The following SNTG1 variants were observed in gnomAD, a reference collection of about 807,000 sequenced individuals.
SNTG1 encodes the protein gamma-1-syntrophin.
In SNTG1, 39 loss-of-function variants were observed where a neutral mutation model predicts 74.7. That is an observed-to-expected ratio of 0.52 (90% confidence interval 0.40 to 0.68). The LOEUF is 0.68. Ranked by LOEUF, SNTG1 falls within the 30% of genes least tolerant of loss-of-function variation. The pLI, the probability that SNTG1 is intolerant of heterozygous loss-of-function variation, is 0.00. For missense variants in SNTG1, 685 were observed against 609.5 expected, an observed-to-expected ratio of 1.12 and a Z score of -1.30; for synonymous variants, 254 against 217.1, an observed-to-expected ratio of 1.17 and a Z score of -1.49.
At chr8:50,307,973 A>G (rs556528493) in intron 2 of SNTG1, among the ~76,000 whole-genome samples, 1 of 151,778 alleles carries the variant, frequency 6.6e-6, no homozygotes, top group South Asian at 2.1e-4. Flanking sequence ...CTTTGCCCAT[A>G]TTTTTCTTAC....
At chr8:50,469,409 A>G (rs1238615437) in intron 8 of SNTG1, among the ~76,000 whole-genome samples, 1 of 152,108 alleles carries the variant, frequency 6.6e-6, no homozygotes, top group Non-Finnish European at 1.5e-5. Context: ...AGGGTTCCAT[A>G]CTGCAGTCAG....
At chr8:50,271,604 C>CA (rs1214804435) in intron 2 of SNTG1, among the ~76,000 whole-genome samples, 1 of 151,988 alleles carries the variant, frequency 6.6e-6, no homozygotes, top group Admixed American at 6.6e-5. Flanking sequence ...AATTATCAGG[C>CA]AAAAAATTAA....
chr8:50,696,444 T>C (rs548357106), intron 15 of SNTG1, among the ~76,000 whole-genome samples: 1 of 152,232 alleles, frequency 6.6e-6, no homozygotes, highest in East Asian at 1.9e-4. Flanking sequence ...CAGTTATTTC[T>C]TTTGCTTTGC....
chr8:50,551,730 G>A (rs143042594), intron 11 of SNTG1, among the ~76,000 whole-genome samples: 1 of 152,214 alleles, frequency 6.6e-6, no homozygotes, highest in East Asian at 1.9e-4. Context: ...ATGGACAATA[G>A]TTATACTTCT....
chr8:50,026,243 G>A (rs1311540781), intron 1 of SNTG1, among the ~76,000 whole-genome samples: 2 of 152,086 alleles, frequency 1.3e-5, no homozygotes, highest in African/African-American at 4.8e-5. Context: ...TATTTGTATG[G>A]TTTTTAAAAA....
intron 17 of SNTG1, among the ~76,000 whole-genome samples, chr8:50,718,030 C>A (rs2095479028): frequency 1.3e-5 from 2 of 152,024 alleles, no homozygotes; most frequent in African/African-American, 2.4e-5. Flanking sequence ...TCCTTTTAGC[C>A]CAATGAAGAT....
chr8:50,271,631 C>A (rs1233011870), intron 2 of SNTG1, among the ~76,000 whole-genome samples: 1 of 152,138 alleles, frequency 6.6e-6, no homozygotes, highest in Non-Finnish European at 1.5e-5. Context: ...ATTCAGTTTT[C>A]TTTCATCGGG....
At chr8:50,230,471 A>G (rs2085560195) in intron 2 of SNTG1, among the ~76,000 whole-genome samples, 1 of 151,406 alleles carries the variant, frequency 6.6e-6, no homozygotes, top group Non-Finnish European at 1.5e-5. Flanking sequence ...TGGATCAATT[A>G]CATTAAAAGG....
intron 15 of SNTG1, among the ~76,000 whole-genome samples, chr8:50,698,320 G>A (rs1378409486): frequency 6.6e-6 from 1 of 152,076 alleles, no homozygotes; most frequent in East Asian, 1.9e-4. Context: ...CATTTTTGGT[G>A]GGGCTCACCA....
intron 18 of SNTG1, among the ~76,000 whole-genome samples, chr8:50,774,067 T>C (rs2095633920): frequency 6.6e-6 from 1 of 152,006 alleles, no homozygotes; most frequent in African/African-American, 2.4e-5. Context: ...CAACTGAGAT[T>C]ATCCAGTCTA....
At chr8:50,367,340 T>G (rs928057355) in intron 2 of SNTG1, among the ~76,000 whole-genome samples, 1 of 152,126 alleles carries the variant, frequency 6.6e-6, no homozygotes, top group Non-Finnish European at 1.5e-5. Context: ...AATAGTCATA[T>G]AATTCATTAA....
chr8:50,169,244 C>T (rs941023918), intron 1 of SNTG1, among the ~76,000 whole-genome samples: 4 of 152,218 alleles, frequency 2.6e-5, no homozygotes, highest in Non-Finnish European at 4.4e-5. Context: ...ATAGGGCACA[C>T]AGATGGTATG....
At chr8:50,499,304 ATTT>A (rs1327530156) in intron 8 of SNTG1, among the ~76,000 whole-genome samples, 1 of 151,764 alleles carries the variant, frequency 6.6e-6, no homozygotes, top group African/African-American at 2.4e-5. Context: ...GGTTTTGGTG[ATTT>A]TATAGTTTTT....
At chr8:50,010,996 A>G (rs1228052310) in intron 1 of SNTG1, among the ~76,000 whole-genome samples, 3 of 152,056 alleles carry the variant, frequency 2.0e-5, no homozygotes, top group Non-Finnish European at 4.4e-5. Context: ...CACTTGACTT[A>G]CTGTGAATGA....
chr8:50,165,755 T>G (rs1433735566), intron 1 of SNTG1, among the ~76,000 whole-genome samples: 1 of 152,186 alleles, frequency 6.6e-6, no homozygotes, highest in Non-Finnish European at 1.5e-5. Flanking sequence ...AGATATATGT[T>G]GATACATACA....
chr8:50,402,572 T>A (rs928002107), intron 4 of SNTG1, among the ~76,000 whole-genome samples: 1 of 152,224 alleles, frequency 6.6e-6, no homozygotes, highest in African/African-American at 2.4e-5. Flanking sequence ...CTATGACTCC[T>A]AGCTGTCATC....
chr8:50,619,145 G>A (rs2094904066), intron 13 of SNTG1, among the ~76,000 whole-genome samples: 1 of 152,114 alleles, frequency 6.6e-6, no homozygotes, highest in Non-Finnish European at 1.5e-5. Context: ...AAGTGGTTCT[G>A]CTATTATTAG....
Position 50,223,862 on chromosome 8 carries a change from T to G in SNTG1, c.-28+51227T>G, listed in dbSNP as rs574278167. Among the ~76,000 whole-genome samples the G allele has an allele frequency of 2.1e-3, 322 of 152,118 alleles. 1 individual carries two copies. Among genetic ancestry groups the G allele is most frequent in the South Asian group, 4.8e-3 (23 of 4,824 alleles). On this transcript the variant is annotated intron_variant, in intron 2 of 18. Transcript: ENST00000642720. ...AACAGATGCATTAGCTACACAAAAA[T>G]AGTGATAACCCTAAAGTATAAGGAA...
At chr8:50,489,584 T>G (rs1038773371) in intron 8 of SNTG1, among the ~76,000 whole-genome samples, 3 of 152,190 alleles carry the variant, frequency 2.0e-5, no homozygotes, top group African/African-American at 7.2e-5. Flanking sequence ...TTTTGAGAAG[T>G]GTCTGTTCAT....
Sources: gnomAD v4.1 joint callset for allele counts (sites outside exome capture counted in the v4.1 genomes callset) on GRCh38, gnomAD v4.1.1 for gene constraint, MANE v1.5 for transcripts, NCBI Gene and HGNC (gene_info 2026-07-23, HGNC 2026-07-21) for gene names.